Variants in GALK1 observed in about 807,000 individuals in gnomAD.
GALK1 encodes the protein galactokinase.
In GALK1, 30 loss-of-function variants were observed where a neutral mutation model predicts 38.6. The observed-to-expected ratio is 0.78, with a 90% CI of 0.58 to 1.05. The LOEUF is 1.05. Ranked by LOEUF, GALK1 falls within the 50% of genes least tolerant of loss-of-function variation. GALK1 has a pLI of 0.00. For missense variants in GALK1, 512 were observed against 540.5 expected, an observed-to-expected ratio of 0.95 and a Z score of 0.52; for synonymous variants, 240 against 233.6, an observed-to-expected ratio of 1.03 and a Z score of -0.25.
At chr17:75,755,661 GC>G, downstream of GALK1, 2 of 1,611,336 alleles carry the variant, frequency 1.2e-6, no homozygotes, top group Non-Finnish European at 1.7e-6. Context: ...TGAGACCCTA[GC>G]CCCTGCATCT....
chr17:75,764,957 C>A lies in GALK1; in HGVS notation c.165+15G>T. On this transcript the variant is annotated intron_variant, in intron 1 of 7. Transcript: ENST00000588479. ...AGGCGGCGGCGGGCTAGGGGCTCCC[C>A]GTGCAGCCCCTCACCATAGGCAGCA... 6.2e-7 allele frequency: 1 copy of A among 1,603,188 alleles called. No individual in the cohort carries two copies. Among genetic ancestry groups the A allele is most frequent in the East Asian group, 2.3e-5 (1 of 44,356 alleles).
chr17:75,756,491 C>T (rs766628890), downstream of GALK1: 2 of 1,613,292 alleles, frequency 1.2e-6, no homozygotes, highest in Non-Finnish European at 1.7e-6. Context: ...GGAAGACCTC[C>T]TGCCCAACCA....
At chr17:75,755,045 C>T, downstream of GALK1, 1 of 1,592,178 alleles carries the variant, frequency 6.3e-7, no homozygotes, top group Non-Finnish European at 8.6e-7. Flanking sequence ...CTTGTTTTGT[C>T]CTGCCCTAGG....
Position 75,765,057 on chromosome 17 carries a change from T to TCGGCCC in GALK1, c.74_79dup (p.Gly25_Ala26dup). On this transcript the variant is annotated inframe_insertion, in exon 1 of 8. Coordinates refer to ENST00000588479, the MANE Select transcript of GALK1 (RefSeq NM_000154.2). ...CGGCGCTGACACGGCCAGCTCGGGC[T>TCGGCCC]CGGCCCCGAACTCCTCCCGGAAGGC... is the stretch of plus-strand genomic sequence containing the variant. 1 of 1,604,460 alleles carries TCGGCCC rather than the reference T, an allele frequency of 6.2e-7. No homozygotes were observed. Among genetic ancestry groups the TCGGCCC allele is most frequent in the Non-Finnish European group, 8.5e-7 (1 of 1,176,392 alleles).
chr17:75,754,201 G>A (rs1399831753), downstream of GALK1, among the ~76,000 whole-genome samples: 1 of 152,192 alleles, frequency 6.6e-6, no homozygotes, highest in Non-Finnish European at 1.5e-5. Context: ...TGCAAATTCA[G>A]AAGTCTGCCC....
At position 75,765,060 on chromosome 17, in the gene GALK1, GCCCC is replaced by G; in HGVS notation, c.73_76del (p.Gly25ProfsTer35). On this transcript the variant is annotated frameshift_variant, in exon 1 of 8. Transcript: ENST00000588479. LOFTEE classifies it high-confidence loss of function. ...CGCTGACACGGCCAGCTCGGGCTCG[GCCCC>G]GAACTCCTCCCGGAAGGCTCGCCGG... 6.2e-7 allele frequency: 1 copy of G among 1,603,568 alleles called. No homozygotes were observed. The highest frequency in any genetic ancestry group is 1.1e-5 in the South Asian group (1 of 89,828).
Position 75,752,543 on chromosome 17 carries a change from G to A in GALK1, c.*23-806C>T, listed in dbSNP as rs747985188. The A allele has an allele frequency of 8.1e-6, 13 of 1,613,466 alleles. No individual in the cohort carries two copies. Among genetic ancestry groups the A allele is most frequent in the East Asian group, 2.2e-5 (1 of 44,890 alleles). ...GCGATGACGTTCTACGCTCTCCATC[G>A]GGCAGCCAGAGGCCCAGCGTCTCCG... On this transcript the variant is annotated intron_variant, in intron 8 of 8. Transcript: ENST00000225614.
intron 5 of GALK1, among the ~76,000 whole-genome samples, chr17:75,759,356 A>T (rs2143592167): frequency 6.6e-6 from 1 of 151,748 alleles, no homozygotes; most frequent in South Asian, 2.1e-4. Flanking sequence ...TGAACCTGGG[A>T]GGCGGAGGTT....
At chr17:75,760,312 C>G (rs888662533) in intron 5 of GALK1, among the ~76,000 whole-genome samples, 2 of 151,896 alleles carry the variant, frequency 1.3e-5, no homozygotes, top group Non-Finnish European at 2.9e-5. Flanking sequence ...AGGCTGGTCT[C>G]GAATTCCTGA....
intron 8 of GALK1, chr17:75,752,616 G>C (rs771169031): frequency 6.2e-7 from 1 of 1,612,190 alleles, no homozygotes; most frequent in Non-Finnish European, 8.5e-7. Flanking sequence ...GACAGTGGGG[G>C]TCTTGGGTAC....
intron 8 of GALK1, chr17:75,752,455 T>C: frequency 6.2e-7 from 1 of 1,613,430 alleles, no homozygotes; most frequent in Non-Finnish European, 8.5e-7. Flanking sequence ...GTCCCCATCA[T>C]CCCTGACATC....
At position 75,764,046 on chromosome 17, in the gene GALK1, T is replaced by C; in HGVS notation, c.206A>G (p.Lys69Arg). The C allele has an allele frequency of 6.3e-7, 1 of 1,597,736 alleles. No individual in the cohort carries two copies. The highest frequency in any genetic ancestry group is 8.5e-7 in the Non-Finnish European group (1 of 1,174,144). ...LMTVLVGSPRKDGLVSLLTTS... is the reference protein window; with the variant it reads ...LMTVLVGSPRRDGLVSLLTTS... ...GGTGAGGAGAGACACCAGCCCATCC[T>C]TGCGGGGGCTGCCCACCAGCACCGT... The change falls in exon 2 of 8, where the codon AAG becomes AGG. Residue 69 changes from lysine (K) to arginine (R), a missense_variant. Physicochemically the swap from Lys to Arg is conservative, Grantham distance 26. Transcript: ENST00000588479.
At chr17:75,763,489 G>A (rs527422715) in intron 2 of GALK1, 50 bp from the exon 3 acceptor site, 62 of 1,548,954 alleles carry the variant, frequency 4.0e-5, no homozygotes, top group Middle Eastern at 4.0e-4. Flanking sequence ...TGGGAGGATG[G>A]CACAGGAAGG....
At position 75,758,589 on chromosome 17, in the gene GALK1, G is replaced by A. The variant is rs2061568614; in HGVS notation, c.804C>T (p.Asp268=). The A allele has an allele frequency of 1.9e-6, 3 of 1,593,996 alleles. No individual in the cohort carries two copies. In the East Asian group the frequency reaches 6.7e-5, roughly 36 times the overall value. ...GCCGGAAGCCCTCTTTGCTCACCAG[G>A]TCCCTGGCAGCTGGGGAGGAAAGAG... ...VQLEELEAAR[D]LVSKEGFRRA... Residue 268 remains aspartate, a synonymous_variant, in exon 6 of 8, where the codon GAC becomes GAT. Coordinates refer to ENST00000588479, the MANE Select transcript of GALK1 (RefSeq NM_000154.2).
At position 75,763,031 on chromosome 17, in the gene GALK1, C is replaced by G. The variant is rs755764957; in HGVS notation, c.594G>C (p.Ala198=). Residue 198 remains alanine, a synonymous_variant, in exon 4 of 8, where the codon GCG becomes GCC. Coordinates refer to ENST00000588479, the MANE Select transcript of GALK1 (RefSeq NM_000154.2). Reference sequence around the variant, plus strand: ...AGCCCAACCTGCAGTCAATGAGCAGCGCGTGGCCTTTCTGTCCCATAAGTG... The same window carrying G: ...AGCCCAACCTGCAGTCAATGAGCAGGGCGTGGCCTTTCTGTCCCATAAGTG... ...FISLMGQKGH[A]LLIDCRSLET... The G allele has an allele frequency of 6.2e-7, 1 of 1,612,930 alleles. No homozygotes were observed. The highest frequency in any genetic ancestry group is 8.5e-7 in the Non-Finnish European group (1 of 1,180,016).
chr17:75,763,224 T>C, intron 3 of GALK1, 75 bp from the exon 4 acceptor site: 1 of 1,610,388 alleles, frequency 6.2e-7, no homozygotes, highest in Non-Finnish European at 8.5e-7. Flanking sequence ...CCAGGGAGAG[T>C]CCCTGCCACC....
In GALK1 at chr17:75,763,065, T is replaced by G; in HGVS notation, c.560A>C (p.Gln187Pro). 1 of 1,612,970 alleles carries G rather than the reference T, an allele frequency of 6.2e-7. No individual in the cohort carries two copies. The change falls in exon 4 of 8, where the codon CAG becomes CCG. Residue 187 changes from glutamine (Q) to proline (P), a missense_variant. Transcript: ENST00000588479. ...FAGMPCGIMDQFISLMGQKGH... is the reference protein window; with the variant it reads ...FAGMPCGIMDPFISLMGQKGH... ...TTTCTGTCCCATAAGTGAGATGAAC[T>G]GGTCCATGATGCCACAGGGCATCCC...
intron 1 of GALK1, chr17:75,764,597 AC>A: frequency 2.2e-6 from 1 of 448,838 alleles, no homozygotes; most frequent in Non-Finnish European, 4.3e-6. Flanking sequence ...CCAGAAGGCT[AC>A]GTTCGCCCAG....
chr17:75,757,280 C>A, downstream of GALK1: 1 of 1,611,126 alleles, frequency 6.2e-7, no homozygotes. Context: ...CACCACCACC[C>A]ACACCAGCGC....
Sources: gnomAD v4.1 joint callset for allele counts (sites outside exome capture counted in the v4.1 genomes callset) on GRCh38, gnomAD v4.1.1 for gene constraint, MANE v1.5 for transcripts, NCBI Gene and HGNC (gene_info 2026-07-23, HGNC 2026-07-21) for gene names.